RANGAP1: variants seen among roughly 807,000 people sequenced by gnomAD.
The protein encoded by RANGAP1 is Ran GTPase activating protein 1, also known as ran GTPase-activating protein 1.
RANGAP1 carries 38 observed loss-of-function variants against 63.5 expected under a neutral mutation model. The observed-to-expected ratio is 0.60, with a 90% CI of 0.46 to 0.78. RANGAP1 has a LOEUF of 0.78. Among genes scored for constraint, RANGAP1 ranks in the 30% least tolerant of loss-of-function variants. The probability of loss-of-function intolerance (pLI) is 0.00; values close to 1 mark genes in which losing one functional copy is unlikely to be tolerated. For synonymous variants in RANGAP1, 329 were observed against 310.5 expected (o/e 1.06, Z -0.63); for missense variants, 630 against 740.3 (o/e 0.85, Z 1.73).
chr22:41,298,063 G>T, the RANGAP1 span, among the ~76,000 whole-genome samples: 1 of 151,940 alleles, frequency 6.6e-6, no homozygotes, highest in Non-Finnish European at 1.5e-5. Flanking sequence ...TCCCCATGTT[G>T]GCCAGGCTGG....
chr22:41,252,123 G>A (rs929061909), intron 12 of RANGAP1, among the ~76,000 whole-genome samples: 2 of 152,024 alleles, frequency 1.3e-5, no homozygotes, highest in African/African-American at 2.4e-5. Context: ...ATGAGGTCAG[G>A]AGTTTGAGAC....
At position 41,251,055 on chromosome 22, in the gene RANGAP1, C is replaced by A; in HGVS notation, c.1435G>T (p.Val479Leu). 6.2e-7 allele frequency: 1 copy of A among 1,614,194 alleles called. No homozygotes were observed. Among genetic ancestry groups the A allele is most frequent in the Non-Finnish European group, 8.5e-7 (1 of 1,180,026 alleles). Residue 479 changes from valine (V) to leucine (L), a missense_variant, in exon 13 of 16, where the codon GTG becomes TTG. This residue lies in a region of RANGAP1 where 428 missense variants were observed against 465.5 expected (regional missense o/e 0.92). Coordinates refer to ENST00000356244, the MANE Select transcript of RANGAP1 (RefSeq NM_002883.4). ...CTCACAGTAGCTTCGTCCTTGAACA[C>A]AGATGACACCTTTAGGAAGGCAGAG... ...VVSAFLKVSS[V>L]FKDEATVRMA...
At chr22:41,290,631 G>A (rs941044654), upstream of RANGAP1, among the ~76,000 whole-genome samples, 7 of 152,160 alleles carry the variant, frequency 4.6e-5, no homozygotes, top group South Asian at 2.1e-4. Context: ...TCTCTGTTGT[G>A]CAGCCTTTTT....
chr22:41,269,504 A>G (rs1358582687), intron 3 of RANGAP1, among the ~76,000 whole-genome samples: 1 of 151,612 alleles, frequency 6.6e-6, no homozygotes, highest in East Asian at 1.9e-4. Context: ...GGAGGCGGAG[A>G]CAGGCAGATC....
intron 4 of RANGAP1, among the ~76,000 whole-genome samples, chr22:41,265,092 T>TA (rs2034391062): frequency 6.6e-6 from 1 of 152,178 alleles, no homozygotes; most frequent in South Asian, 2.1e-4. Context: ...CATTTGGACT[T>TA]AGTCTGGATG....
chr22:41,267,742 G>C (rs116616809), intron 4 of RANGAP1, among the ~76,000 whole-genome samples: 2,416 of 152,280 alleles, frequency 0.016, 59 homozygotes, highest in African/African-American at 0.056. Context: ...TGAAGGAGCA[G>C]GACTGCGAGG....
intron 10 of RANGAP1, 28 bp from the exon 11 acceptor site, chr22:41,254,522 C>A: frequency 6.4e-7 from 1 of 1,555,502 alleles, no homozygotes. Flanking sequence ...TGAAGCAGAT[C>A]CTCTCTACCC....
At chr22:41,248,071 G>A (rs1470909553) in intron 15 of RANGAP1, among the ~76,000 whole-genome samples, 3 of 152,176 alleles carry the variant, frequency 2.0e-5, no homozygotes, top group Admixed American at 6.5e-5. Flanking sequence ...GGGCTCAGGC[G>A]CAGACGGGGG....
At position 41,250,894 on chromosome 22, in the gene RANGAP1, G is replaced by C. The variant is rs1408003379; in HGVS notation, c.1483+113C>G. The C allele has an allele frequency of 4.9e-6, 4 of 820,546 alleles. No individual in the cohort carries two copies. The African/African-American group carries it at 6.8e-5, about 14-fold the overall frequency. The allele number at this position is 820,546 out of a possible 1,614,324, so 50.8% of individuals were successfully genotyped here. A position where few individuals can be genotyped will look rare whatever the true frequency, so the allele number is the denominator to read the frequency against. The stretch of plus-strand genomic sequence containing the variant: ...GAGGAAAAACTCAGGTGGCCAAAGA[G>C]CAGTTCCCATGAGAGCGCTGGGGCT... On this transcript the variant is annotated intron_variant, in intron 13 of 15. Transcript: ENST00000356244.
the RANGAP1 span, among the ~76,000 whole-genome samples, chr22:41,297,968 T>C: frequency 6.6e-6 from 1 of 152,040 alleles, no homozygotes; most frequent in East Asian, 1.9e-4. Context: ...CAAGCGTTTC[T>C]TGTTACTCAG....
intron 6 of RANGAP1, among the ~76,000 whole-genome samples, chr22:41,260,342 T>C (rs1229082674): frequency 6.6e-6 from 1 of 151,972 alleles, no homozygotes; most frequent in African/African-American, 2.4e-5. Context: ...GATCCAAGGA[T>C]GGCAGTGAGG....
intron 2 of RANGAP1, among the ~76,000 whole-genome samples, chr22:41,280,412 G>C (rs1008237192): frequency 2.6e-5 from 4 of 152,236 alleles, no homozygotes; most frequent in African/African-American, 9.6e-5. Context: ...CTGGTTCCTA[G>C]TTTTCTGTGG....
At chr22:41,247,125 G>C (rs959282769) in intron 15 of RANGAP1, among the ~76,000 whole-genome samples, 1 of 151,738 alleles carries the variant, frequency 6.6e-6, no homozygotes, top group Non-Finnish European at 1.5e-5. Context: ...GTGCGATCTC[G>C]GCTCACTGCA....
chr22:41,264,882 C>G, intron 4 of RANGAP1, 39 bp from the exon 5 acceptor site: 1 of 1,569,826 alleles, frequency 6.4e-7, no homozygotes, highest in Non-Finnish European at 8.7e-7. Flanking sequence ...TCATAGACAC[C>G]CAGCTTCTGT....
intron 2 of RANGAP1, among the ~76,000 whole-genome samples, chr22:41,276,627 G>A (rs1206409452): frequency 3.3e-5 from 5 of 151,398 alleles, no homozygotes; most frequent in Non-Finnish European, 1.5e-5. Context: ...CAACAAGAGC[G>A]AAACTCCGTT....
At chr22:41,281,533 A>G in intron 1 of RANGAP1, 6 of 989,392 alleles carry the variant, frequency 6.1e-6, no homozygotes, top group Non-Finnish European at 7.2e-6. Context: ...TGGGATCCAG[A>G]TCATTCATCC....
At chr22:41,287,050 C>T (rs926073634), upstream of RANGAP1, among the ~76,000 whole-genome samples, 2 of 152,156 alleles carry the variant, frequency 1.3e-5, no homozygotes, top group African/African-American at 2.4e-5. Context: ...AAGGACAATA[C>T]TGAAACAGCA....
intron 2 of RANGAP1, among the ~76,000 whole-genome samples, chr22:41,276,465 C>A (rs1399580259): frequency 2.0e-5 from 3 of 151,450 alleles, no homozygotes; most frequent in Admixed American, 6.6e-5. Flanking sequence ...TGATGAAACC[C>A]TGTCTCTAAC....
upstream of RANGAP1, among the ~76,000 whole-genome samples, chr22:41,288,417 T>C (rs1018162281): frequency 6.6e-6 from 1 of 152,204 alleles, no homozygotes; most frequent in Non-Finnish European, 1.5e-5. Context: ...TGGCCTGTCA[T>C]AGGTGCTTCA....
Sources: gnomAD v4.1 joint callset for allele counts (sites outside exome capture counted in the v4.1 genomes callset) on GRCh38, gnomAD v4.1.1 for gene constraint, gnomAD v4.1.1 regional missense constraint, MANE v1.5 for transcripts, NCBI Gene and HGNC (gene_info 2026-07-23, HGNC 2026-07-21) for gene names.